Variants in NIPA1 observed in about 807,000 individuals in gnomAD.
NIPA1 encodes the protein magnesium transporter NIPA1.
Under a neutral mutation model 23.9 loss-of-function variants are expected in NIPA1, and 13 were observed. That is an observed-to-expected ratio of 0.54 (90% CI 0.35 to 0.87). NIPA1 has a LOEUF of 0.87. Ranked by LOEUF, NIPA1 falls within the 40% of genes least tolerant of loss-of-function variation. NIPA1 has a pLI of 0.01. For synonymous variants in NIPA1, 234 were observed against 202.9 expected (o/e 1.15, Z -1.30); for missense variants, 362 against 429.7 (o/e 0.84, Z 1.39).
intron 3 of NIPA1, chr15:22,819,266 A>G (rs142097683): frequency 6.6e-6 from 1 of 152,224 alleles, no homozygotes; most frequent in African/African-American, 2.4e-5. Context: ...CTGAGGCTCA[A>G]GTTTCCTTAT....
rs1895267436 is a variant in NIPA1, at chr15:22,808,951, T to C, written c.179-1798T>C. On this transcript the variant is annotated intron_variant, in intron 1 of 4. Coordinates refer to ENST00000337435, the MANE Select transcript of NIPA1 (RefSeq NM_144599.5). Reference sequence around the variant, plus strand: ...TTCCAAAATGCTGGCATTACAGGTGTGAGCCGCCGGGCCCAGCCCCCATTT... The same window carrying C: ...TTCCAAAATGCTGGCATTACAGGTGCGAGCCGCCGGGCCCAGCCCCCATTT... 2.6e-5 allele frequency among the ~76,000 whole-genome samples: 4 copies of C among 152,224 alleles called. No individual in the cohort carries two copies. The South Asian group carries it at 8.3e-4, about 32-fold the overall frequency.
At chr15:22,806,449 G>T (rs1895214418) in intron 1 of NIPA1, among the ~76,000 whole-genome samples, 1 of 152,164 alleles carries the variant, frequency 6.6e-6, no homozygotes, top group African/African-American at 2.4e-5. Context: ...ATGGAACTTA[G>T]CGATCATATC....
intron 1 of NIPA1, among the ~76,000 whole-genome samples, chr15:22,808,328 T>C (rs1895253920): frequency 6.6e-6 from 1 of 152,228 alleles, no homozygotes; most frequent in African/African-American, 2.4e-5. Context: ...TTCTGCTTCA[T>C]AGGACACCCT....
intron 1 of NIPA1, among the ~76,000 whole-genome samples, chr15:22,808,679 C>CTTTTGTTTTTTTTTT (rs1895261585): frequency 7.8e-6 from 1 of 128,338 alleles, no homozygotes; most frequent in Non-Finnish European, 1.6e-5. Flanking sequence ...TAGCAATATT[C>CTTTTGTTTTTTTTTT]TTTTTTTTGA....
chr15:22,800,854 C>G (rs1385221260), intron 1 of NIPA1, among the ~76,000 whole-genome samples: 1 of 151,302 alleles, frequency 6.6e-6, no homozygotes, highest in Non-Finnish European at 1.5e-5. Flanking sequence ...TGGCGTGAAC[C>G]CGGGAGGTGG....
intron 3 of NIPA1, among the ~76,000 whole-genome samples, chr15:22,812,959 G>A (rs1017763362): frequency 9.9e-5 from 15 of 152,156 alleles, no homozygotes; most frequent in Admixed American, 3.3e-4. Context: ...ATGCCGGACA[G>A]TCCCCACCTC....
rs1362233254 is a variant in NIPA1 at position 22,822,922 on chromosome 15, T to G, written c.479-806T>G. On this transcript the variant is annotated intron_variant, in intron 4 of 4. Coordinates refer to ENST00000337435, the MANE Select transcript of NIPA1 (RefSeq NM_144599.5). ...AGCTGTAAATGGTTTTTTTTTTTTT[T>G]TTTTTTTTTTTTTTGAGACGGACTC... 6.6e-3 allele frequency among the ~76,000 whole-genome samples: 870 copies of G among 131,900 alleles called. 13 individuals carry two copies. Among genetic ancestry groups the G allele is most frequent in the South Asian group, 0.033 (132 of 4,046 alleles). The allele number at this position is 131,900 out of a possible 152,430, so 86.5% of individuals were successfully genotyped here. A position where few individuals can be genotyped will look rare whatever the true frequency, so the allele number is the denominator to read the frequency against.
chr15:22,794,656 C>T (rs1801796889), intron 1 of NIPA1, among the ~76,000 whole-genome samples: 2 of 152,068 alleles, frequency 1.3e-5, no homozygotes, highest in African/African-American at 4.8e-5. Flanking sequence ...CCAGGCGTCC[C>T]ATTTCGAGTC....
chr15:22,807,473 T>C (rs1206622956), intron 1 of NIPA1, among the ~76,000 whole-genome samples: 2 of 152,046 alleles, frequency 1.3e-5, no homozygotes, highest in Non-Finnish European at 2.9e-5. Flanking sequence ...TAATCCCAGC[T>C]ACTTGGGAGG....
At position 22,791,486 on chromosome 15, in the gene NIPA1, T is replaced by TTC. The variant is rs1243527158; in HGVS notation, c.178+4653_178+4654insCT. ...GGCTTCCTCTTTCACTTTTTTTTTT[T>TTC]TTTTTTTTTTTTTGTGAGACGGAGT... On this transcript the variant is annotated intron_variant, in intron 1 of 4. Transcript: ENST00000337435. Among the ~76,000 whole-genome samples the TTC allele has an allele frequency of 4.9e-5, 6 of 123,632 alleles. No homozygotes were observed. The East Asian group carries it at 1.4e-3, about 29-fold the overall frequency. The allele number at this position is 123,632 out of a possible 152,430, so 81.1% of individuals were successfully genotyped here.
At chr15:22,795,097 C>T (rs1284108359) in intron 1 of NIPA1, among the ~76,000 whole-genome samples, 1 of 152,080 alleles carries the variant, frequency 6.6e-6, no homozygotes, top group Admixed American at 6.5e-5. Context: ...CTTCAGGTGC[C>T]TCGGAGCTGA....
At chr15:22,800,944 GAA>G (rs34332265) in intron 1 of NIPA1, among the ~76,000 whole-genome samples, 28,589 of 141,938 alleles carry the variant, frequency 0.2, 3,682 homozygotes, top group African/African-American at 0.37. Flanking sequence ...AAAAAAAAAA[GAA>G]AAAAAAAAAA....
Position 22,820,980 on chromosome 15 carries a change from C to CTTTTT in NIPA1, c.478+517_478+521dup, listed in dbSNP as rs34707760. ...CTTTTGACATAATTTCTTTTCTTTT[C>CTTTTT]TTTTTTTTTTTTTTGGAGACGGAGT... On this transcript the variant is annotated intron_variant, in intron 4 of 4. Coordinates refer to ENST00000337435, the MANE Select transcript of NIPA1 (RefSeq NM_144599.5). Among the ~76,000 whole-genome samples, 5 of 140,408 alleles carry CTTTTT rather than the reference C, an allele frequency of 3.6e-5. No individual in the cohort carries two copies. In the East Asian group the frequency reaches 6.4e-4, roughly 18 times the overall value. The allele number at this position is 140,408 out of a possible 152,430, so 92.1% of individuals were successfully genotyped here.
intron 1 of NIPA1, among the ~76,000 whole-genome samples, chr15:22,799,349 G>A (rs1477487754): frequency 6.6e-6 from 1 of 152,136 alleles, no homozygotes; most frequent in Non-Finnish European, 1.5e-5. Context: ...TTACTTATAT[G>A]TGGGAGCTAA....
chr15:22,820,816 T>C lies in NIPA1; in HGVS notation c.478+343T>C, dbSNP rs542222400. Among the ~76,000 whole-genome samples, 11 of 146,902 alleles carry C rather than the reference T, an allele frequency of 7.5e-5. No individual in the cohort carries two copies. The South Asian group carries it at 2.3e-3, about 30-fold the overall frequency. On this transcript the variant is annotated intron_variant, in intron 4 of 4. Coordinates refer to ENST00000337435, the MANE Select transcript of NIPA1 (RefSeq NM_144599.5). The stretch of plus-strand genomic sequence containing the variant: ...CCCAAGTCTGACTGCCACCCGCCCC[T>C]CCCCACATACCTTTCCTGGTGTACC...
chr15:22,819,186 T>TGTGGGTGTGTCATGACC (rs1895484774), intron 3 of NIPA1: 1 of 152,212 alleles, frequency 6.6e-6, no homozygotes, highest in Non-Finnish European at 1.5e-5. Flanking sequence ...GTTTAGGACC[T>TGTGGGTGTGTCATGACC]GTGGGTGTGT....
intron 1 of NIPA1, among the ~76,000 whole-genome samples, chr15:22,806,156 C>A (rs969510102): frequency 6.6e-6 from 1 of 152,166 alleles, no homozygotes; most frequent in Admixed American, 6.5e-5. Context: ...ATCTCCTGAC[C>A]TTGTGATCCG....
chr15:22,814,897 T>G (rs1388507455), intron 3 of NIPA1, among the ~76,000 whole-genome samples: 1 of 152,196 alleles, frequency 6.6e-6, no homozygotes, highest in Non-Finnish European at 1.5e-5. Flanking sequence ...GCACTGTTGA[T>G]GCTTGAAGCC....
rs1895614624 is a variant in NIPA1 at position 22,824,706 on chromosome 15, A to C, written c.*467A>C. The stretch of plus-strand genomic sequence containing the variant: ...TGTTAGTTTGCATTAAGCATGTATA[A>C]CATTCAAGTATGTCATCCAAATAAG... On this transcript the variant is annotated 3_prime_UTR_variant, in exon 5 of 5. Coordinates refer to ENST00000337435, the MANE Select transcript of NIPA1 (RefSeq NM_144599.5). This position sits in a 1 kb window ranked among gnomAD's most constrained non-coding sequence, Gnocchi z 4.1. 5.6e-6 allele frequency: 1 copy of C among 179,432 alleles called. No homozygotes were observed. The highest frequency in any genetic ancestry group is 1.2e-4 in the South Asian group (1 of 8,178). The allele number at this position is 179,432 out of a possible 1,614,324, so 11.1% of individuals were successfully genotyped here. A position where few individuals can be genotyped will look rare whatever the true frequency, so the allele number is the denominator to read the frequency against.
Sources: allele counts gnomAD v4.1 joint callset (sites outside exome capture counted in the v4.1 genomes callset), GRCh38; gene constraint gnomAD v4.1.1; non-coding constraint Gnocchi (gnomAD v3.1); transcripts MANE v1.5; gene names NCBI Gene and HGNC (gene_info 2026-07-23, HGNC 2026-07-21).